PSG6: variants seen among roughly 807,000 people sequenced by gnomAD.
PSG6 encodes the protein pregnancy-specific beta-1-glycoprotein 6.
In PSG6, 51 loss-of-function variants were observed where a neutral mutation model predicts 43.3. The ratio of observed to expected loss-of-function variants is 1.18; its 90% CI spans 0.94 to 1.49. The LOEUF (loss-of-function observed/expected upper bound fraction) is 1.49. Ranked by LOEUF, PSG6 falls within the 40% of genes most tolerant of loss-of-function variation. The pLI, the probability that PSG6 is intolerant of heterozygous loss-of-function variation, is 0.00. For synonymous variants in PSG6, 292 were observed against 197.6 expected (o/e 1.48, Z -4.01); for missense variants, 770 against 522.2 (o/e 1.47, Z -4.62).
intron 5 of PSG6, among the ~76,000 whole-genome samples, chr19:42,904,432 T>C (rs891628563): frequency 3.3e-5 from 5 of 151,656 alleles, no homozygotes; most frequent in Middle Eastern, 3.2e-3. Flanking sequence ...AATTAATAAA[T>C]TCAGTAATGT....
intron 2 of PSG6, among the ~76,000 whole-genome samples, chr19:42,911,378 A>G (rs1172775032): frequency 4.0e-5 from 6 of 151,658 alleles, no homozygotes; most frequent in Admixed American, 1.3e-4. Context: ...AGCAGAAATA[A>G]CACAGGGGAG....
chr19:42,911,112 C>T (rs1483300641), intron 2 of PSG6, among the ~76,000 whole-genome samples: 1 of 151,600 alleles, frequency 6.6e-6, no homozygotes, highest in Non-Finnish European at 1.5e-5. Context: ...CATGGAAAGA[C>T]ACAGGACCAG....
rs139646673 is a variant in PSG6 at position 42,907,214 on chromosome 19, C to T, written c.986-38G>A. 1.6e-3 allele frequency: 2,611 copies of T among 1,594,918 alleles called. 75 individuals are homozygous for T. The highest frequency in any genetic ancestry group is 1.2e-3 in the Non-Finnish European group (1,350 of 1,168,560). On this transcript the variant is annotated intron_variant, in intron 4 of 5. Transcript: ENST00000187910. Reference sequence around the variant, plus strand: ...GAATAAAGCCACAGGTGATGTCATCCAAGGGAAGGGGATGCTCCTGGTCTC... The same window carrying T: ...GAATAAAGCCACAGGTGATGTCATCTAAGGGAAGGGGATGCTCCTGGTCTC...
At chr19:42,904,248 G>A (rs1338229088) in intron 5 of PSG6, among the ~76,000 whole-genome samples, 5 of 151,670 alleles carry the variant, frequency 3.3e-5, no homozygotes, top group Admixed American at 1.3e-4. Flanking sequence ...AAAAGACAAG[G>A]ATGCCTGCTA....
chr19:42,917,680 G>C, intron 1 of PSG6, 49 bp downstream of exon 1: 1 of 1,601,912 alleles, frequency 6.2e-7, no homozygotes, highest in Non-Finnish European at 8.5e-7. Context: ...ACCCCATCCA[G>C]TCACTCTGCT....
chr19:42,916,069 T>C lies in PSG6; in HGVS notation c.427+56A>G, dbSNP rs1972319400. The C allele has an allele frequency of 3.7e-6, 6 of 1,601,950 alleles. 1 individual carries two copies. In the South Asian group the frequency reaches 5.7e-5, roughly 15 times the overall value. ...TCCAGGCCTGACAATTCTGTGTGTG[T>C]GAAGTAGAAATGACCCCTGCCCCCC... is the stretch of plus-strand genomic sequence containing the variant. On this transcript the variant is annotated intron_variant, in intron 2 of 5. Coordinates refer to ENST00000187910, the MANE Select transcript of PSG6 (RefSeq NM_001031850.4).
chr19:42,903,107 G>T lies in PSG6; in HGVS notation c.1241-661C>A, dbSNP rs1412302651. Among the ~76,000 whole-genome samples, 5 of 151,686 alleles carry T rather than the reference G, an allele frequency of 3.3e-5. 1 individual carries two copies. Among genetic ancestry groups the T allele is most frequent in the African/African-American group, 1.2e-4 (5 of 41,350 alleles). ...GGTGTCATATGGCTAGTGACAGGTGGATCTGAGATTTGATTCTAGGACTAT... is the reference window on the plus strand; with the variant it reads ...GGTGTCATATGGCTAGTGACAGGTGTATCTGAGATTTGATTCTAGGACTAT... On this transcript the variant is annotated intron_variant, in intron 5 of 5. Coordinates refer to ENST00000187910, the MANE Select transcript of PSG6 (RefSeq NM_001031850.4).
intron 2 of PSG6, chr19:42,915,817 T>A: frequency 1.9e-6 from 1 of 513,442 alleles, no homozygotes; most frequent in Non-Finnish European, 3.3e-6. Flanking sequence ...TTCCAGGGTC[T>A]TTCTCAGGGT....
Position 42,916,617 on chromosome 19 carries a change from C to T in PSG6, c.65-130G>A, listed in dbSNP as rs1972340714. 6.0e-6 allele frequency: 8 copies of T among 1,343,608 alleles called. 1 individual carries two copies. The highest frequency in any genetic ancestry group is 2.0e-6 in the Non-Finnish European group (2 of 979,912). 83.2% of individuals were successfully genotyped at this position (1,343,608 alleles called of 1,614,324 possible). On this transcript the variant is annotated intron_variant, in intron 1 of 5. Coordinates refer to ENST00000187910, the MANE Select transcript of PSG6 (RefSeq NM_001031850.4). ...ATATGCACACACACACATACAAACACACACACACAAAAGGGCATGTGTGTT... is the reference window on the plus strand; with the variant it reads ...ATATGCACACACACACATACAAACATACACACACAAAAGGGCATGTGTGTT...
chr19:42,908,508 T>G (rs1484930802), intron 3 of PSG6, among the ~76,000 whole-genome samples: 1 of 151,622 alleles, frequency 6.6e-6, no homozygotes, highest in Admixed American at 6.6e-5. Context: ...TAGAGCAGAG[T>G]GCAAGGAATG....
At chr19:42,911,006 C>G (rs1972214304) in intron 2 of PSG6, 148 bp from the exon 3 acceptor site, 1 of 1,450,864 alleles carries the variant, frequency 6.9e-7, no homozygotes, top group Non-Finnish European at 9.2e-7. Flanking sequence ...AAGACAGATG[C>G]ATGGCAACCT....
At chr19:42,914,677 C>T (rs10413609) in intron 2 of PSG6, among the ~76,000 whole-genome samples, 54,989 of 150,928 alleles carry the variant, frequency 0.36, 11,805 homozygotes, top group African/African-American at 0.55. Context: ...CTAGAACCTC[C>T]TAGGATTCTG....
intron 3 of PSG6, among the ~76,000 whole-genome samples, chr19:42,909,349 C>T (rs1477969649): frequency 6.6e-6 from 1 of 151,448 alleles, no homozygotes; most frequent in East Asian, 1.9e-4. Context: ...GAACTTTCCA[C>T]CTTTTCTGGT....
rs564201817 is a variant in PSG6 at position 42,914,216 on chromosome 19, C to T, written c.427+1909G>A. On this transcript the variant is annotated intron_variant, in intron 2 of 5. Coordinates refer to ENST00000187910, the MANE Select transcript of PSG6 (RefSeq NM_001031850.4). ...TCTCTTAGTGACCTGGGGACATTGG[C>T]TCGAGAGGAAGCCTGGCAGGAGTGG... 3.3e-5 allele frequency among the ~76,000 whole-genome samples: 5 copies of T among 151,420 alleles called. 1 individual carries two copies. The highest frequency in any genetic ancestry group is 1.2e-4 in the African/African-American group (5 of 41,264).
chr19:42,910,128 T>G, intron 3 of PSG6: 1 of 237,788 alleles, frequency 4.2e-6, no homozygotes, highest in Non-Finnish European at 8.4e-6. Flanking sequence ...TTCCCCTGTA[T>G]GGTAATAGGT....
In PSG6 at chr19:42,910,821, T is replaced by C; in HGVS notation, c.465A>G (p.Leu155=). 1.2e-6 allele frequency: 2 copies of C among 1,611,878 alleles called. No homozygotes were observed. The highest frequency in any genetic ancestry group is 1.7e-6 in the Non-Finnish European group (2 of 1,178,996). ...CAGCCTCCATGACCTCCCTGGGGTTTAAGTTGCTGCTGGAGATGGAGGGCT... is the reference window on the plus strand; with the variant it reads ...CAGCCTCCATGACCTCCCTGGGGTTCAAGTTGCTGCTGGAGATGGAGGGCT... ...TPKPSISSSN[L]NPREVMEAVR... is the part of the protein sequence containing the mutation. The change falls in exon 3 of 6, where the codon TTA becomes TTG. Residue 155 remains leucine (L), a synonymous_variant. Coordinates refer to ENST00000187910, the MANE Select transcript of PSG6 (RefSeq NM_001031850.4).
In PSG6 at chr19:42,916,459, G is replaced by A. The variant is rs776218956; in HGVS notation, c.93C>T (p.Pro31=). Residue 31 remains proline (P), a synonymous_variant, in exon 2 of 6, where the codon CCC becomes CCT. Transcript: ENST00000187910. The part of the protein sequence containing the change: ...TASLLNFWNL[P]TTAQVIIEAK... ...CTTCAATTATTACTTGGGCAGTGGT[G>A]GGCAGGTTCCAGAAGTTTAAAAGTG... is the stretch of plus-strand genomic sequence containing the variant. 72 of 1,611,574 alleles carry A rather than the reference G, an allele frequency of 4.5e-5. 2 individuals are homozygous for A. Among genetic ancestry groups the A allele is most frequent in the African/African-American group, 2.0e-4 (15 of 74,724 alleles).
chr19:42,910,827 G>A lies in PSG6; in HGVS notation c.459C>T (p.Ser153=). 6.2e-7 allele frequency: 1 copy of A among 1,611,764 alleles called. No homozygotes were observed. Among genetic ancestry groups the A allele is most frequent in the Non-Finnish European group, 8.5e-7 (1 of 1,178,874 alleles). ...CCATGACCTCCCTGGGGTTTAAGTT[G>A]CTGCTGGAGATGGAGGGCTTGGGAG... ...SETPKPSISS[S]NLNPREVMEA... Residue 153 remains serine, a synonymous_variant, in exon 3 of 6, where the codon AGC becomes AGT. Coordinates refer to ENST00000187910, the MANE Select transcript of PSG6 (RefSeq NM_001031850.4).
At chr19:42,908,545 A>C (rs1386320079) in intron 3 of PSG6, among the ~76,000 whole-genome samples, 1 of 151,726 alleles carries the variant, frequency 6.6e-6, no homozygotes, top group Non-Finnish European at 1.5e-5. Context: ...GGGGACAGGC[A>C]AGAGCTGGTG....
Sources: allele counts gnomAD v4.1 joint callset (sites outside exome capture counted in the v4.1 genomes callset), GRCh38; gene constraint gnomAD v4.1.1; transcripts MANE v1.5; gene names NCBI Gene and HGNC (gene_info 2026-07-23, HGNC 2026-07-21).